PPM1H: variants seen among roughly 807,000 people sequenced by gnomAD.
PPM1H encodes the protein protein phosphatase 1H.
PPM1H carries 27 observed loss-of-function variants against 54.9 expected under a neutral mutation model. That is an observed-to-expected ratio of 0.49 (90% confidence interval 0.36 to 0.68). The LOEUF (loss-of-function observed/expected upper bound fraction) is 0.68, where lower values mean the gene tolerates loss of function less well. Ranked by LOEUF, PPM1H falls within the 30% of genes least tolerant of loss-of-function variation. PPM1H has a pLI of 0.00. For missense variants in PPM1H, 596 were observed against 667.8 expected (o/e 0.89, Z 1.19); for synonymous variants, 305 against 270.8 (o/e 1.13, Z -1.24).
intron 5 of PPM1H, among the ~76,000 whole-genome samples, chr12:62,727,468 G>A (rs141938082): frequency 0.058 from 8,754 of 152,002 alleles, 411 homozygotes; most frequent in Admixed American, 0.13. Flanking sequence ...CTTATAAATT[G>A]ATAGATGTCT....
At chr12:62,902,303 G>A (rs1219607623) in intron 1 of PPM1H, among the ~76,000 whole-genome samples, 3 of 151,818 alleles carry the variant, frequency 2.0e-5, no homozygotes, top group Non-Finnish European at 4.4e-5. Flanking sequence ...GCAGTGAGCC[G>A]AGATCGCACC....
chr12:62,770,651 A>C (rs2076573705), intron 4 of PPM1H, among the ~76,000 whole-genome samples: 1 of 152,190 alleles, frequency 6.6e-6, no homozygotes, highest in Non-Finnish European at 1.5e-5. Context: ...CTGCCAGCTC[A>C]GAATCACAAA....
chr12:62,755,728 G>A (rs766052985), intron 4 of PPM1H: 10 of 722,262 alleles, frequency 1.4e-5, no homozygotes, highest in African/African-American at 3.5e-5. Context: ...TGACAACTCC[G>A]GTATCGTGGA....
intron 5 of PPM1H, among the ~76,000 whole-genome samples, chr12:62,735,789 C>G (rs891079739): frequency 1.3e-5 from 2 of 152,150 alleles, no homozygotes; most frequent in African/African-American, 4.8e-5. Flanking sequence ...GTGCTGGAGT[C>G]TTAAAGAATG....
chr12:62,759,690 CT>C (rs1201910057), intron 4 of PPM1H, among the ~76,000 whole-genome samples: 7 of 152,172 alleles, frequency 4.6e-5, no homozygotes, highest in Non-Finnish European at 1.0e-4. Context: ...GCAAGCACCC[CT>C]GACTCCTTCT....
chr12:62,799,143 A>T (rs1452551691), intron 3 of PPM1H, among the ~76,000 whole-genome samples: 1 of 152,208 alleles, frequency 6.6e-6, no homozygotes, highest in East Asian at 1.9e-4. Flanking sequence ...TCCAAGAAAA[A>T]TTTGAGGTAA....
intron 1 of PPM1H, among the ~76,000 whole-genome samples, chr12:62,839,607 G>A (rs1359454507): frequency 6.6e-6 from 1 of 151,248 alleles, no homozygotes; most frequent in Non-Finnish European, 1.5e-5. Context: ...CTGGCCTCAT[G>A]GGCATTTGAA....
chr12:62,898,119 A>T (rs2121105013), intron 1 of PPM1H, among the ~76,000 whole-genome samples: 1 of 152,300 alleles, frequency 6.6e-6, no homozygotes, highest in African/African-American at 2.4e-5. Flanking sequence ...TATAGCACAT[A>T]ATCATCCTTA....
intron 2 of PPM1H, among the ~76,000 whole-genome samples, chr12:62,817,498 GAAGAA>G (rs942249235): frequency 4.6e-5 from 7 of 151,506 alleles, no homozygotes; most frequent in African/African-American, 1.2e-4. Flanking sequence ...AAAAAACTAA[GAAGAA>G]AAGAAAATTC....
chr12:62,695,810 AC>A (rs1226728297), intron 6 of PPM1H, among the ~76,000 whole-genome samples: 2 of 152,164 alleles, frequency 1.3e-5, no homozygotes, highest in Non-Finnish European at 2.9e-5. Flanking sequence ...ACAACAGACT[AC>A]ATGGCTCAAG....
intron 1 of PPM1H, among the ~76,000 whole-genome samples, chr12:62,887,996 G>A (rs754805857): frequency 1.4e-4 from 22 of 152,202 alleles, no homozygotes; most frequent in South Asian, 4.1e-4. Context: ...GCAAGCATGA[G>A]CGACATGATC....
intron 4 of PPM1H, among the ~76,000 whole-genome samples, chr12:62,754,807 G>A (rs1270611563): frequency 1.3e-5 from 2 of 152,218 alleles, no homozygotes; most frequent in Non-Finnish European, 2.9e-5. Context: ...GGAAGGGTTA[G>A]CACAAGTAAA....
intron 1 of PPM1H, among the ~76,000 whole-genome samples, chr12:62,904,207 C>G (rs1257713840): frequency 6.6e-6 from 1 of 152,022 alleles, no homozygotes; most frequent in African/African-American, 2.4e-5. Context: ...GGCCCACAAA[C>G]AGAGCTGTGG....
chr12:62,728,368 G>C (rs923603646), intron 5 of PPM1H, among the ~76,000 whole-genome samples: 2 of 152,336 alleles, frequency 1.3e-5, no homozygotes, highest in African/African-American at 4.8e-5. Flanking sequence ...CTGTGTCAGG[G>C]CAGGACACCA....
chr12:62,850,439 T>TAA (rs1487760851), intron 1 of PPM1H, among the ~76,000 whole-genome samples: 1 of 151,736 alleles, frequency 6.6e-6, no homozygotes, highest in Non-Finnish European at 1.5e-5. Context: ...ACCCAATAAT[T>TAA]AAAAACTTAA....
At chr12:62,826,933 C>T (rs185208408) in intron 2 of PPM1H, among the ~76,000 whole-genome samples, 14 of 152,286 alleles carry the variant, frequency 9.2e-5, no homozygotes, top group African/African-American at 3.4e-4. Context: ...CTGTGTGGCC[C>T]ATGCCATAGA....
intron 1 of PPM1H, among the ~76,000 whole-genome samples, chr12:62,901,782 G>T (rs1453345498): frequency 6.6e-6 from 1 of 152,060 alleles, no homozygotes; most frequent in Non-Finnish European, 1.5e-5. Flanking sequence ...TGAGCAGAAA[G>T]ATCCTCTGCT....
chr12:62,934,492 T>C lies in PPM1H; in HGVS notation c.245A>G (p.Glu82Gly), dbSNP rs1340196480. The C allele has an allele frequency of 6.5e-7, 1 of 1,542,608 alleles. No homozygotes were observed. The highest frequency in any genetic ancestry group is 1.2e-5 in the South Asian group (1 of 83,500). The change falls in exon 1 of 10, where the codon GAG becomes GGG. Residue 82 changes from glutamate to glycine, a missense_variant and splice_region_variant. Physicochemically the swap from Glu to Gly is moderately conservative, Grantham distance 98. Coordinates refer to ENST00000228705, the MANE Select transcript of PPM1H (RefSeq NM_020700.2). The surrounding 1 kb of genome is among the most constrained non-coding windows in gnomAD (Gnocchi z 4.2). ...GCGCCGCCGGTGTCGCTGCACTCAC[T>C]CTGCGTAGCCAGTGGCCCAGGGCAG... ...RRLPWATGYAEVINAGKSTHN... is the reference protein window; with the variant it reads ...RRLPWATGYAGVINAGKSTHN...
intron 4 of PPM1H, among the ~76,000 whole-genome samples, chr12:62,754,192 A>C: frequency 6.6e-6 from 1 of 152,214 alleles, no homozygotes; most frequent in East Asian, 1.9e-4. Context: ...CAAAGATTAG[A>C]GATAGGCAAA....
Sources: gnomAD v4.1 joint callset for allele counts (sites outside exome capture counted in the v4.1 genomes callset) on GRCh38, gnomAD v4.1.1 for gene constraint, Gnocchi (gnomAD v3.1) non-coding constraint, MANE v1.5 for transcripts, NCBI Gene and HGNC (gene_info 2026-07-23, HGNC 2026-07-21) for gene names.